RIN3: variants seen among roughly 807,000 people sequenced by gnomAD.
RIN3 encodes RAB5 interacting protein 3.
A neutral mutation model predicts 76.3 loss-of-function variants in RIN3; 54 were observed. The observed-to-expected ratio is 0.71, with a 90% CI of 0.57 to 0.89. The LOEUF is 0.89. Ranked by LOEUF, RIN3 falls within the 40% of genes least tolerant of loss-of-function variation. The pLI is 0.00. For synonymous variants in RIN3, 576 were observed against 564.0 expected (o/e 1.02, Z -0.30); for missense variants, 1,256 against 1,322.1 (o/e 0.95, Z 0.78).
chr14:92,608,022 G>A (rs1014532181), intron 3 of RIN3, among the ~76,000 whole-genome samples: 1 of 152,240 alleles, frequency 6.6e-6, no homozygotes, highest in African/African-American at 2.4e-5. Flanking sequence ...TGGGGAGGGG[G>A]TAGATGTGGC....
rs118159274 is a variant in RIN3, at chr14:92,607,529, A to G, written c.368-7878A>G. ...TACTCAGGAGGCTGAGGATCACTTG[A>G]GCCTGGGAGGTTGAGGTTGCAGTGA... is the stretch of plus-strand genomic sequence containing the variant. On this transcript the variant is annotated intron_variant, in intron 3 of 9. Coordinates refer to ENST00000216487, the MANE Select transcript of RIN3 (RefSeq NM_024832.5). Among the ~76,000 whole-genome samples, 538 of 152,270 alleles carry G rather than the reference A, an allele frequency of 3.5e-3. 14 individuals are homozygous for G. In the South Asian group the frequency reaches 0.051, roughly 14 times the overall value.
At position 92,649,816 on chromosome 14, in the gene RIN3, C is replaced by G. The variant is rs543280483; in HGVS notation, c.533-1766C>G. On this transcript the variant is annotated intron_variant, in intron 5 of 9. Coordinates refer to ENST00000216487, the MANE Select transcript of RIN3 (RefSeq NM_024832.5). ...TTGTTAGTGTGATGAGACCTGGTCT[C>G]TCTCCACTGGCTGTGATATTCAGGC... is the stretch of plus-strand genomic sequence containing the variant. 7.2e-5 allele frequency among the ~76,000 whole-genome samples: 11 copies of G among 152,326 alleles called. No individual in the cohort carries two copies. In the South Asian group the frequency reaches 2.3e-3, roughly 32 times the overall value.
chr14:92,608,110 C>T (rs527375954), intron 3 of RIN3, among the ~76,000 whole-genome samples: 1 of 152,236 alleles, frequency 6.6e-6, no homozygotes, highest in African/African-American at 2.4e-5. Flanking sequence ...TGCGAAGCTA[C>T]CTATGTGATA....
Position 92,515,676 on chromosome 14 carries a change from C to T in RIN3, c.44+1700C>T, listed in dbSNP as rs917918982. On this transcript the variant is annotated intron_variant, in intron 1 of 9. Transcript: ENST00000216487. ...GACAAATGACCCGGCCCCTGCCTCA[C>T]CTGTAAACTGGGGGTGCTAGCAACA... 6.6e-5 allele frequency among the ~76,000 whole-genome samples: 10 copies of T among 152,202 alleles called. No homozygotes were observed. The South Asian group carries it at 2.1e-3, about 31-fold the overall frequency.
intron 7 of RIN3, among the ~76,000 whole-genome samples, chr14:92,671,325 G>C (rs530200844): frequency 1.3e-5 from 2 of 152,114 alleles, no homozygotes; most frequent in Non-Finnish European, 2.9e-5. Flanking sequence ...GGTCCCAGGA[G>C]GGGGGGAACT....
At chr14:92,563,415 A>T (rs1458164741) in intron 2 of RIN3, among the ~76,000 whole-genome samples, 1 of 152,168 alleles carries the variant, frequency 6.6e-6, no homozygotes, top group Non-Finnish European at 1.5e-5. Context: ...CTGTTGTGAG[A>T]CCAGGGAAAA....
chr14:92,625,527 A>T (rs1335774319), intron 4 of RIN3, among the ~76,000 whole-genome samples: 2 of 152,132 alleles, frequency 1.3e-5, no homozygotes, highest in African/African-American at 4.8e-5. Flanking sequence ...TCAATGGGTG[A>T]GGTGGTCTAC....
At chr14:92,646,405 A>G (rs954054278) in intron 5 of RIN3, among the ~76,000 whole-genome samples, 6 of 152,078 alleles carry the variant, frequency 3.9e-5, no homozygotes, top group Admixed American at 3.9e-4. Context: ...ACACTTTTTC[A>G]TCTTATAATA....
chr14:92,631,433 C>T (rs1202709350), intron 4 of RIN3, among the ~76,000 whole-genome samples: 3 of 152,224 alleles, frequency 2.0e-5, no homozygotes, highest in Admixed American at 2.0e-4. Flanking sequence ...AAGATGCTCA[C>T]TCCAAACTAA....
At chr14:92,606,075 G>A (rs2140093808) in intron 3 of RIN3, among the ~76,000 whole-genome samples, 1 of 149,876 alleles carries the variant, frequency 6.7e-6, no homozygotes, top group South Asian at 2.1e-4. Flanking sequence ...GGAGGCTGCA[G>A]TGAGAGCATC....
chr14:92,607,290 C>T (rs1482140017), intron 3 of RIN3, among the ~76,000 whole-genome samples: 2 of 152,162 alleles, frequency 1.3e-5, no homozygotes, highest in African/African-American at 2.4e-5. Context: ...CTGAATCACC[C>T]CTGCATTGGT....
chr14:92,651,237 C>A (rs541381254), intron 5 of RIN3, among the ~76,000 whole-genome samples: 1 of 152,156 alleles, frequency 6.6e-6, no homozygotes, highest in Non-Finnish European at 1.5e-5. Flanking sequence ...GCCTTCCCCA[C>A]GGCTCCAGAG....
intron 1 of RIN3, among the ~76,000 whole-genome samples, chr14:92,524,055 A>G (rs1896663801): frequency 6.6e-6 from 1 of 152,146 alleles, no homozygotes; most frequent in African/African-American, 2.4e-5. Context: ...TGAGCTGGGC[A>G]TGGTGGTGTG....
intron 1 of RIN3, among the ~76,000 whole-genome samples, chr14:92,523,255 T>C (rs1347229374): frequency 1.3e-5 from 2 of 152,060 alleles, no homozygotes; most frequent in Non-Finnish European, 2.9e-5. Context: ...GGATTACAGG[T>C]GCCTGCCACC....
intron 1 of RIN3, among the ~76,000 whole-genome samples, chr14:92,554,519 T>C (rs1897523660): frequency 6.6e-6 from 1 of 152,204 alleles, no homozygotes; most frequent in South Asian, 2.1e-4. Context: ...ATCAGCACCA[T>C]CCAATGGAAA....
intron 6 of RIN3, 117 bp downstream of exon 6, chr14:92,653,192 C>T: frequency 9.0e-7 from 1 of 1,115,278 alleles, no homozygotes; most frequent in Non-Finnish European, 1.2e-6. Flanking sequence ...CACCCCCTAT[C>T]CCTTCCTGGG....
intron 6 of RIN3, among the ~76,000 whole-genome samples, chr14:92,658,439 G>A (rs568822483): frequency 4.4e-4 from 67 of 152,348 alleles, no homozygotes; most frequent in Non-Finnish European, 8.4e-4. Flanking sequence ...CGATCACAGC[G>A]GGGCCTCTTA....
rs149188632 is a variant in RIN3 at position 92,551,353 on chromosome 14, C to T, written c.45-4398C>T. 2.6e-3 allele frequency among the ~76,000 whole-genome samples: 403 copies of T among 152,218 alleles called. 1 individual carries two copies. Among genetic ancestry groups the T allele is most frequent in the African/African-American group, 9.3e-3 (387 of 41,512 alleles). The stretch of plus-strand genomic sequence containing the variant: ...GCCACCGTTTGTTTATCCATTCTGC[C>T]GCTGATGGACACTGGAACCAGGTGG... On this transcript the variant is annotated intron_variant, in intron 1 of 9. Transcript: ENST00000216487.
In RIN3 at chr14:92,688,386, G is replaced by C; in HGVS notation, c.*134G>C. On this transcript the variant is annotated 3_prime_UTR_variant, in exon 10 of 10. Transcript: ENST00000216487. Reference sequence around the variant, plus strand: ...ATGACGTGCCCAGGCCAACGTCGCAGGACAGTTGTGAAAATAACATGACGC... The same window carrying C: ...ATGACGTGCCCAGGCCAACGTCGCACGACAGTTGTGAAAATAACATGACGC... 1.2e-6 allele frequency: 1 copy of C among 833,916 alleles called. No homozygotes were observed. The highest frequency in any genetic ancestry group is 1.8e-6 in the Non-Finnish European group (1 of 554,508). 51.7% of individuals were successfully genotyped at this position (833,916 alleles called of 1,614,324 possible). A position where few individuals can be genotyped will look rare whatever the true frequency, so the allele number is the denominator to read the frequency against.
Sources: allele counts gnomAD v4.1 joint callset (sites outside exome capture counted in the v4.1 genomes callset), GRCh38; gene constraint gnomAD v4.1.1; transcripts MANE v1.5; gene names NCBI Gene and HGNC (gene_info 2026-07-23, HGNC 2026-07-21).